ATG16L2: variants seen among roughly 807,000 people sequenced by gnomAD.
The protein encoded by ATG16L2 is autophagy related 16 like 2.
A neutral mutation model predicts 84.7 loss-of-function variants in ATG16L2; 77 were observed. That is an observed-to-expected ratio of 0.91 (90% CI 0.76 to 1.10). The LOEUF (loss-of-function observed/expected upper bound fraction) is 1.10, where lower values mean the gene tolerates loss of function less well. ATG16L2 is among the 50% of genes least tolerant of loss of function. The pLI, the probability that ATG16L2 is intolerant of heterozygous loss-of-function variation, is 0.00. For missense variants in ATG16L2, 782 were observed against 817.6 expected (o/e 0.96, Z 0.53); for synonymous variants, 361 against 342.8 (o/e 1.05, Z -0.59).
chr11:72,815,735 G>A (rs1485357331), intron 1 of ATG16L2, among the ~76,000 whole-genome samples: 1 of 152,130 alleles, frequency 6.6e-6, no homozygotes, highest in African/African-American at 2.4e-5. Context: ...CCAGGCCCAG[G>A]GCCTCAGTCA....
chr11:72,827,392 G>T, intron 14 of ATG16L2, 99 bp downstream of exon 14: 1 of 1,003,350 alleles, frequency 1.0e-6, no homozygotes, highest in Non-Finnish European at 1.5e-6. Context: ...AGTCTTGGTG[G>T]CACTTTGGGC....
intron 5 of ATG16L2, among the ~76,000 whole-genome samples, chr11:72,836,199 G>A (rs1360035401): frequency 6.6e-6 from 1 of 152,250 alleles, no homozygotes; most frequent in Non-Finnish European, 1.5e-5. Context: ...CTGGTCCTCA[G>A]TGTGGCTGGC....
chr11:72,843,081 G>A, exon 6 of ATG16L2: 1 of 1,457,322 alleles, frequency 6.9e-7, no homozygotes, highest in Non-Finnish European at 9.5e-7. Context: ...TCCTACTGAA[G>A]GCTTACTCCA....
At chr11:72,836,889 G>C (rs1246133263) in intron 5 of ATG16L2, 7 of 152,490 alleles carry the variant, frequency 4.6e-5, no homozygotes, top group Admixed American at 4.6e-4. Context: ...ATCCTGGATG[G>C]AGGGGTTATT....
At position 72,822,555 on chromosome 11, in the gene ATG16L2, G is replaced by GA; in HGVS notation, c.710+13dup. The GA allele has an allele frequency of 6.2e-7, 1 of 1,611,936 alleles. No individual in the cohort carries two copies. Among genetic ancestry groups the GA allele is most frequent in the South Asian group, 1.1e-5 (1 of 90,928 alleles). On this transcript the variant is annotated intron_variant, in intron 6 of 17. Coordinates refer to ENST00000321297, the MANE Select transcript of ATG16L2 (RefSeq NM_033388.2). The surrounding 1 kb of genome is among the most constrained non-coding windows in gnomAD (Gnocchi z 4.2). ...GTGAGCATCAGCGAGTAAGAGTGGGGATGGGCCGGTCCGACCCTTGCGTTC... is the reference window on the plus strand; with the variant it reads ...GTGAGCATCAGCGAGTAAGAGTGGGGAATGGGCCGGTCCGACCCTTGCGTTC...
chr11:72,825,400 T>G lies in ATG16L2; in HGVS notation c.1095T>G (p.Val365=). 1 of 1,611,888 alleles carries G rather than the reference T, an allele frequency of 6.2e-7. No individual in the cohort carries two copies. Among genetic ancestry groups the G allele is most frequent in the Non-Finnish European group, 8.5e-7 (1 of 1,179,872 alleles). Residue 365 remains valine (V), a synonymous_variant, in exon 10 of 18, where the codon GTT becomes GTG. Transcript: ENST00000321297. Reference sequence around the variant, plus strand: ...ACCGCCTGATCCACCTCTGGAATGTTGTGGGAAGTAAGGAGCCCTCCCCTG... The same window carrying G: ...ACCGCCTGATCCACCTCTGGAATGTGGTGGGAAGTAAGGAGCCCTCCCCTG... ...GADRLIHLWN[V]VGSRLEANQT...
At chr11:72,832,110 A>G (rs1230854622), downstream of ATG16L2, among the ~76,000 whole-genome samples, 4 of 152,188 alleles carry the variant, frequency 2.6e-5, no homozygotes, top group Non-Finnish European at 5.9e-5. Context: ...CACAGGAGTG[A>G]GGGAACTTGA....
Position 72,829,375 on chromosome 11 carries a change from T to C in ATG16L2, c.1845T>C (p.Val615=). Residue 615 remains valine, a synonymous_variant, in exon 18 of 18, where the codon GTT becomes GTC. Coordinates refer to ENST00000321297, the MANE Select transcript of ATG16L2 (RefSeq NM_033388.2). ...TGAGCGTGGACCAGGGCAGGAAGGT[T>C]GTGCTCTGGCAGTAGGGCCACGACC... ...HMVSVDQGRK[V]VLWQ 6.2e-7 allele frequency: 1 copy of C among 1,611,644 alleles called. No homozygotes were observed. Among genetic ancestry groups the C allele is most frequent in the Non-Finnish European group, 8.5e-7 (1 of 1,179,364 alleles).
rs774830257 is a variant in ATG16L2, at chr11:72,827,283, T to G, written c.1462T>G (p.Trp488Gly). 6.2e-7 allele frequency: 1 copy of G among 1,613,762 alleles called. No homozygotes were observed. Among genetic ancestry groups the G allele is most frequent in the Non-Finnish European group, 8.5e-7 (1 of 1,179,722 alleles). Reference sequence around the variant, plus strand: ...CCACAATGACCAGAAGATCCGGTTCTGGGACAGCAGGTGACAGGCGCAGGC... The same window carrying G: ...CCACAATGACCAGAAGATCCGGTTCGGGGACAGCAGGTGACAGGCGCAGGC... ...SGHNDQKIRF[W>G]DSRGPHCTQV... The change falls in exon 14 of 18, where the codon TGG (tryptophan) becomes GGG (glycine). Residue 488 changes from tryptophan to glycine, a missense_variant. Transcript: ENST00000321297.
downstream of ATG16L2, among the ~76,000 whole-genome samples, chr11:72,830,529 G>A (rs765869209): frequency 6.6e-6 from 1 of 152,098 alleles, no homozygotes; most frequent in African/African-American, 2.4e-5. Context: ...AAAAACCTTA[G>A]TGCAGCCTCA....
intron 15 of ATG16L2, 82 bp from the exon 16 acceptor site, chr11:72,828,647 A>G: frequency 6.3e-7 from 1 of 1,598,912 alleles, no homozygotes; most frequent in African/African-American, 1.3e-5. Flanking sequence ...CCCCTCGACA[A>G]AGAGGAAGCT....
In ATG16L2 at chr11:72,814,427, T is replaced by C; in HGVS notation, c.-19T>C. The C allele has an allele frequency of 7.0e-7, 1 of 1,428,340 alleles. No homozygotes were observed. Among genetic ancestry groups the C allele is most frequent in the Non-Finnish European group, 9.3e-7 (1 of 1,079,450 alleles). 88.5% of individuals were successfully genotyped at this position (1,428,340 alleles called of 1,614,324 possible). On this transcript the variant is annotated 5_prime_UTR_variant, in exon 1 of 18. Coordinates refer to ENST00000321297, the MANE Select transcript of ATG16L2 (RefSeq NM_033388.2). ...GTCCTGGGCGGGAGGAACGCGCCGCTAGGCGGGAGAGCGCGGCCATGGCGG... is the reference window on the plus strand; with the variant it reads ...GTCCTGGGCGGGAGGAACGCGCCGCCAGGCGGGAGAGCGCGGCCATGGCGG...
At chr11:72,843,309 T>C (rs1408282822) in exon 6 of ATG16L2, 1 of 1,613,862 alleles carries the variant, frequency 6.2e-7, no homozygotes, top group South Asian at 1.1e-5. Context: ...ATAACCCACT[T>C]GGCCAACTTT....
At chr11:72,826,996 G>T (rs973608468) in intron 13 of ATG16L2, 173 bp downstream of exon 13, 1 of 926,502 alleles carries the variant, frequency 1.1e-6, no homozygotes, top group Non-Finnish European at 1.6e-6. Flanking sequence ...GGTGTTTTCT[G>T]TCTGGTTTCT....
In ATG16L2 at chr11:72,822,573, T is replaced by TTGCGTTC. The variant is rs746459407; in HGVS notation, c.710+34_710+40dup. ...GAGTGGGGATGGGCCGGTCCGACCCTTGCGTTCTGCCTCCCGCCCCGCCTG... is the reference window on the plus strand; with the variant it reads ...GAGTGGGGATGGGCCGGTCCGACCCTTGCGTTCTGCGTTCTGCCTCCCGCCCCGCCTG... On this transcript the variant is annotated intron_variant, in intron 6 of 17. Transcript: ENST00000321297. The surrounding 1 kb of genome is among the most constrained non-coding windows in gnomAD (Gnocchi z 4.2). 1.2e-6 allele frequency: 2 copies of TTGCGTTC among 1,605,000 alleles called. No individual in the cohort carries two copies. The highest frequency in any genetic ancestry group is 1.7e-6 in the Non-Finnish European group (2 of 1,176,128).
chr11:72,829,065 G>T (rs2135127146), intron 17 of ATG16L2, 81 bp downstream of exon 17: 1 of 1,419,466 alleles, frequency 7.0e-7, no homozygotes, highest in East Asian at 2.3e-5. Context: ...CTGGGACCCT[G>T]GAGTCCCCAG....
downstream of ATG16L2, among the ~76,000 whole-genome samples, chr11:72,832,427 G>A (rs1306701123): frequency 6.6e-6 from 1 of 152,180 alleles, no homozygotes; most frequent in Admixed American, 6.5e-5. Flanking sequence ...CCAGAAACAG[G>A]CCAAGGAGTT....
intron 1 of ATG16L2, among the ~76,000 whole-genome samples, chr11:72,814,860 G>A (rs1385850468): frequency 6.6e-6 from 1 of 152,216 alleles, no homozygotes; most frequent in Admixed American, 6.5e-5. Flanking sequence ...TGGTTTTGCA[G>A]GGTCTCTTTT....
Position 72,828,473 on chromosome 11 carries a change from C to T in ATG16L2, c.1587C>T (p.Ile529=), listed in dbSNP as rs566495285. The T allele has an allele frequency of 3.1e-6, 5 of 1,614,212 alleles. No homozygotes were observed. The highest frequency in any genetic ancestry group is 1.1e-5 in the South Asian group (1 of 91,088). ...CCCGAGACAACACACTCAAGGTCAT[C>T]GACCTGCGTGTCAGCAACATCCGCC... ...SCSRDNTLKV[I]DLRVSNIRQV... Residue 529 remains isoleucine, a synonymous_variant, in exon 15 of 18, where the codon ATC becomes ATT. Transcript: ENST00000321297.
Sources: allele counts gnomAD v4.1 joint callset (sites outside exome capture counted in the v4.1 genomes callset), GRCh38; gene constraint gnomAD v4.1.1; non-coding constraint Gnocchi (gnomAD v3.1); transcripts MANE v1.5; gene names NCBI Gene and HGNC (gene_info 2026-07-23, HGNC 2026-07-21).